RPS6KC1: variants seen among roughly 807,000 people sequenced by gnomAD.
RPS6KC1 encodes inactive ribosomal protein S6 kinase delta-1.
Under a neutral mutation model 103.8 loss-of-function variants are expected in RPS6KC1, and 54 were observed. That is an observed-to-expected ratio of 0.52 (90% CI 0.42 to 0.65). The LOEUF (loss-of-function observed/expected upper bound fraction) is 0.65, where lower values mean the gene tolerates loss of function less well. Among genes scored for constraint, RPS6KC1 ranks in the 30% least tolerant of loss-of-function variants. The pLI is 0.00. For missense variants in RPS6KC1, 1,151 were observed against 1,253.8 expected (o/e 0.92, Z 1.24); for synonymous variants, 439 against 438.7 (o/e 1.00, Z -0.01).
chr1:213,530,439 C>T, the RPS6KC1 span, among the ~76,000 whole-genome samples: 1 of 152,214 alleles, frequency 6.6e-6, no homozygotes, highest in Non-Finnish European at 1.5e-5. Context: ...TTCCAGCTTC[C>T]AGGTCTGTCC....
the RPS6KC1 span, among the ~76,000 whole-genome samples, chr1:213,535,208 T>A: frequency 6.6e-6 from 1 of 152,198 alleles, no homozygotes; most frequent in East Asian, 1.9e-4. Flanking sequence ...AGGAAGAATC[T>A]GAAGTGGCCA....
the RPS6KC1 span, among the ~76,000 whole-genome samples, chr1:213,783,306 C>A: frequency 6.6e-6 from 1 of 152,190 alleles, no homozygotes; most frequent in Admixed American, 6.5e-5. Context: ...GCTCTTTTCA[C>A]AGGACAATGA....
chr1:213,117,889 G>A (rs976331268), intron 5 of RPS6KC1, among the ~76,000 whole-genome samples: 12 of 151,516 alleles, frequency 7.9e-5, no homozygotes, highest in Admixed American at 7.9e-4. Context: ...GGGTGTGGTG[G>A]CAGGCATTTG....
At chr1:213,447,033 G>C in the RPS6KC1 span, among the ~76,000 whole-genome samples, 1 of 151,980 alleles carries the variant, frequency 6.6e-6, no homozygotes, top group East Asian at 1.9e-4. Context: ...TTTGAAGCAT[G>C]GCTTAGGTCA....
intron 8 of RPS6KC1, among the ~76,000 whole-genome samples, chr1:213,195,846 G>A (rs186145963): frequency 0.014 from 2,069 of 150,928 alleles, 36 homozygotes; most frequent in Middle Eastern, 0.065. Flanking sequence ...GTGTGTGTGT[G>A]TATATATATA....
At chr1:213,516,670 G>A in the RPS6KC1 span, among the ~76,000 whole-genome samples, 1 of 152,144 alleles carries the variant, frequency 6.6e-6, no homozygotes, top group Non-Finnish European at 1.5e-5. Flanking sequence ...ATGTTCATCA[G>A]GGATATTGGT....
chr1:213,854,168 A>G, the RPS6KC1 span, among the ~76,000 whole-genome samples: 1 of 152,204 alleles, frequency 6.6e-6, no homozygotes, highest in Non-Finnish European at 1.5e-5. Flanking sequence ...TCAACCACAA[A>G]TAGAATATGA....
the RPS6KC1 span, among the ~76,000 whole-genome samples, chr1:213,836,384 G>A: frequency 5.3e-5 from 8 of 152,106 alleles, no homozygotes; most frequent in African/African-American, 1.9e-4. Context: ...GAATATCTAT[G>A]TGAAAATGTT....
the RPS6KC1 span, among the ~76,000 whole-genome samples, chr1:213,680,067 A>G: frequency 6.6e-6 from 1 of 152,070 alleles, no homozygotes; most frequent in Non-Finnish European, 1.5e-5. Context: ...ACTGGAGTGG[A>G]AAGAGGGAGG....
At chr1:213,163,006 A>G (rs1252120566) in intron 6 of RPS6KC1, among the ~76,000 whole-genome samples, 2 of 152,158 alleles carry the variant, frequency 1.3e-5, no homozygotes, top group Non-Finnish European at 2.9e-5. Context: ...GTGTAGAACT[A>G]TAAATTACTG....
intron 10 of RPS6KC1, among the ~76,000 whole-genome samples, chr1:213,239,818 T>C (rs1190669369): frequency 2.6e-5 from 4 of 152,214 alleles, no homozygotes; most frequent in Non-Finnish European, 5.9e-5. Context: ...TAATACTGTT[T>C]CTAATCACTA....
the RPS6KC1 span, among the ~76,000 whole-genome samples, chr1:213,656,245 GC>G: frequency 6.6e-6 from 1 of 152,160 alleles, no homozygotes; most frequent in South Asian, 2.1e-4. Flanking sequence ...GCCAATCTCA[GC>G]CTGTGGCAGC....
chr1:213,458,898 G>A, the RPS6KC1 span, among the ~76,000 whole-genome samples: 1 of 152,144 alleles, frequency 6.6e-6, no homozygotes, highest in East Asian at 1.9e-4. Context: ...CTGTTTATGT[G>A]ATGGATTACG....
the RPS6KC1 span, among the ~76,000 whole-genome samples, chr1:213,643,422 C>T: frequency 6.6e-6 from 1 of 151,236 alleles, no homozygotes; most frequent in Non-Finnish European, 1.5e-5. Flanking sequence ...GGTATTATTT[C>T]TGTCTTGTTT....
At chr1:213,315,565 G>A in the RPS6KC1 span, among the ~76,000 whole-genome samples, 3 of 152,160 alleles carry the variant, frequency 2.0e-5, no homozygotes, top group South Asian at 2.1e-4. Context: ...CCTTTAAATC[G>A]CAAATAGTCC....
chr1:213,491,544 CCAAA>C, the RPS6KC1 span, among the ~76,000 whole-genome samples: 2,068 of 151,836 alleles, frequency 0.014, 42 homozygotes, highest in African/African-American at 0.046. Flanking sequence ...CAAGACTGTG[CCAAA>C]CAAACAAACA....
the RPS6KC1 span, among the ~76,000 whole-genome samples, chr1:213,557,027 C>G: frequency 0.79 from 120,768 of 152,072 alleles, 48,719 homozygotes; most frequent in East Asian, 0.98. Flanking sequence ...GGCAGGTAGA[C>G]GCCTGTGGAT....
the RPS6KC1 span, among the ~76,000 whole-genome samples, chr1:213,404,580 G>T: frequency 6.6e-6 from 1 of 152,112 alleles, no homozygotes; most frequent in Non-Finnish European, 1.5e-5. Flanking sequence ...CTCCTAGGAG[G>T]CTCTTTCTGT....
the RPS6KC1 span, among the ~76,000 whole-genome samples, chr1:213,532,248 C>G: frequency 6.6e-6 from 1 of 152,134 alleles, no homozygotes; most frequent in East Asian, 1.9e-4. Flanking sequence ...GCAGCCCCAT[C>G]CTGAAGGTGC....
Sources: gnomAD v4.1 joint callset for allele counts (sites outside exome capture counted in the v4.1 genomes callset) on GRCh38, gnomAD v4.1.1 for gene constraint, MANE v1.5 for transcripts, NCBI Gene and HGNC (gene_info 2026-07-23, HGNC 2026-07-21) for gene names.